Variants in LRRC3C observed in about 807,000 individuals in gnomAD.
LRRC3C encodes the protein leucine-rich repeat-containing protein 3C.
LRRC3C carries 11 observed loss-of-function variants against 14.8 expected under a neutral mutation model. That is an observed-to-expected ratio of 0.74 (90% CI 0.47 to 1.23). The LOEUF (loss-of-function observed/expected upper bound fraction) is 1.23, where lower values mean the gene tolerates loss of function less well. LRRC3C is among the 50% of genes most tolerant of loss of function. The pLI, the probability that LRRC3C is intolerant of heterozygous loss-of-function variation, is 0.00. For missense variants in LRRC3C, 354 were observed against 361.8 expected, an observed-to-expected ratio of 0.98 and a Z score of 0.18; for synonymous variants, 149 against 161.5, an observed-to-expected ratio of 0.92 and a Z score of 0.59.
intron 1 of LRRC3C, among the ~76,000 whole-genome samples, chr17:39,929,781 C>T (rs897429977): frequency 1.3e-5 from 2 of 152,198 alleles, no homozygotes; most frequent in Non-Finnish European, 2.9e-5. Context: ...TGAAAGCAAC[C>T]AAATGCCCAA....
chr17:39,944,160 A>T lies in LRRC3C; in HGVS notation c.254A>T (p.Tyr85Phe), dbSNP rs1440495975. 8 of 1,536,058 alleles carry T rather than the reference A, an allele frequency of 5.2e-6. No homozygotes were observed. Among genetic ancestry groups the T allele is most frequent in the Admixed American group, 2.0e-5 (1 of 50,982 alleles). ...SGIPNDTRKL[Y>F]LDANQLASVP... Reference sequence around the variant, plus strand: ...ATCCCCAATGACACCCGCAAGCTCTACCTGGATGCCAACCAGCTGGCATCG... The same window carrying T: ...ATCCCCAATGACACCCGCAAGCTCTTCCTGGATGCCAACCAGCTGGCATCG... The change falls in exon 4 of 4, where the codon TAC (tyrosine) becomes TTC (phenylalanine). Residue 85 changes from tyrosine (Y) to phenylalanine (F), a missense_variant. Physicochemically the swap from Tyr to Phe is conservative, Grantham distance 22. Coordinates refer to ENST00000377924, the MANE Select transcript of LRRC3C (RefSeq NM_001195545.2).
chr17:39,941,630 C>T, intron 3 of LRRC3C, 81 bp downstream of exon 3: 1 of 1,287,588 alleles, frequency 7.8e-7, no homozygotes, highest in East Asian at 2.5e-5. Flanking sequence ...GGAGGGCTTC[C>T]AGGTTCCGTA....
chr17:39,942,877 G>A (rs1978975527), intron 3 of LRRC3C, among the ~76,000 whole-genome samples: 1 of 152,220 alleles, frequency 6.6e-6, no homozygotes, highest in South Asian at 2.1e-4. Context: ...GGCCCACCCA[G>A]TTCTGCCCGC....
rs372932687 is a variant in LRRC3C at position 39,940,995 on chromosome 17, C to T, written c.-81-448C>T. Reference sequence around the variant, plus strand: ...CTGGCCTCAAGTGATCCACCCACCTCGGCCTCCCGAAGAGCTAGGATTACA... The same window carrying T: ...CTGGCCTCAAGTGATCCACCCACCTTGGCCTCCCGAAGAGCTAGGATTACA... On this transcript the variant is annotated intron_variant, in intron 2 of 3. Transcript: ENST00000377924. Among the ~76,000 whole-genome samples, 101 of 152,084 alleles carry T rather than the reference C, an allele frequency of 6.6e-4. No individual in the cohort carries two copies. In the South Asian group the frequency reaches 9.8e-3, roughly 15 times the overall value.
At chr17:39,935,721 A>AAAGG in intron 1 of LRRC3C, 81 bp from the exon 2 acceptor site, 1 of 621,304 alleles carries the variant, frequency 1.6e-6, no homozygotes, top group South Asian at 7.1e-5. Flanking sequence ...ACATGCTCAG[A>AAAGG]TATGTGTTAA....
In LRRC3C at chr17:39,930,160, C is replaced by T. The variant is rs376220278; in HGVS notation, c.-175+2346C>T. 5.8e-4 allele frequency among the ~76,000 whole-genome samples: 87 copies of T among 150,926 alleles called. No individual in the cohort carries two copies. The South Asian group carries it at 0.018, about 32-fold the overall frequency. On this transcript the variant is annotated intron_variant, in intron 1 of 3. Transcript: ENST00000377924. ...TTGGGCATGGTGGTGTGTCTATAGT[C>T]CCAGCTACTCAGGAGGCTGAGGTGG...
At chr17:39,935,491 A>G (rs1180385992) in intron 1 of LRRC3C, among the ~76,000 whole-genome samples, 1 of 152,054 alleles carries the variant, frequency 6.6e-6, no homozygotes, top group East Asian at 1.9e-4. Context: ...GGCTCTACAC[A>G]AAAATACAAA....
chr17:39,933,185 AT>A (rs1174130363), intron 1 of LRRC3C, among the ~76,000 whole-genome samples: 1 of 152,194 alleles, frequency 6.6e-6, no homozygotes, highest in African/African-American at 2.4e-5. Context: ...TTACTTTTAA[AT>A]TTTTTATTAA....
At chr17:39,940,437 G>T (rs1300283820) in intron 2 of LRRC3C, among the ~76,000 whole-genome samples, 2 of 152,116 alleles carry the variant, frequency 1.3e-5, no homozygotes, top group African/African-American at 4.8e-5. Context: ...TTTAGAGACA[G>T]AGTCGCACTC....
Position 39,941,438 on chromosome 17 carries a change from C to A in LRRC3C, c.-81-5C>A. 3 of 1,097,148 alleles carry A rather than the reference C, an allele frequency of 2.7e-6. No individual in the cohort carries two copies. Among genetic ancestry groups the A allele is most frequent in the South Asian group, 1.4e-5 (1 of 72,952 alleles). The allele number at this position is 1,097,148 out of a possible 1,614,324, so 68.0% of individuals were successfully genotyped here. A position where few individuals can be genotyped will look rare whatever the true frequency, so the allele number is the denominator to read the frequency against. Reference sequence around the variant, plus strand: ...ACACACACCCCATTTTTATTTTGCACTCAGCTCTACAATTCCGTGTCCAGT... The same window carrying A: ...ACACACACCCCATTTTTATTTTGCAATCAGCTCTACAATTCCGTGTCCAGT... On this transcript the variant is annotated splice_polypyrimidine_tract_variant and splice_region_variant and intron_variant, in intron 2 of 3. Transcript: ENST00000377924.
chr17:39,941,144 G>A (rs188579626), intron 2 of LRRC3C, among the ~76,000 whole-genome samples: 202 of 151,808 alleles, frequency 1.3e-3, no homozygotes, highest in African/African-American at 4.6e-3. Flanking sequence ...GAGGTCGGGA[G>A]TTCAAGACCA....
chr17:39,938,147 T>A lies in LRRC3C; in HGVS notation c.-82+2253T>A, dbSNP rs535727289. Among the ~76,000 whole-genome samples the A allele has an allele frequency of 1.1e-4, 17 of 150,994 alleles. No homozygotes were observed. The East Asian group carries it at 1.2e-3, about 11-fold the overall frequency. ...ACTCTGTCTCAACAAGAAAAAAAAA[T>A]CTCCATTACCAGACACATGCCACAT... On this transcript the variant is annotated intron_variant, in intron 2 of 3. Coordinates refer to ENST00000377924, the MANE Select transcript of LRRC3C (RefSeq NM_001195545.2).
intron 1 of LRRC3C, among the ~76,000 whole-genome samples, chr17:39,930,277 CAAAAAAAAAAA>C: frequency 1.7e-5 from 1 of 57,554 alleles, no homozygotes; most frequent in South Asian, 7.4e-4. Context: ...GATCCTGTCT[CAAAAAAAAAAA>C]AAAAAAAAAA....
At chr17:39,933,432 A>T (rs1203099363) in intron 1 of LRRC3C, among the ~76,000 whole-genome samples, 1 of 152,076 alleles carries the variant, frequency 6.6e-6, no homozygotes, top group African/African-American at 2.4e-5. Flanking sequence ...GGGAGAAGGG[A>T]TGTCAAGAAA....
In LRRC3C at chr17:39,944,794, C is replaced by T. The variant is rs1979046471; in HGVS notation, c.*60C>T. 37 of 1,442,510 alleles carry T rather than the reference C, an allele frequency of 2.6e-5. No homozygotes were observed. In the South Asian group the frequency reaches 4.7e-4, roughly 18 times the overall value. The allele number at this position is 1,442,510 out of a possible 1,614,324, so 89.4% of individuals were successfully genotyped here. A position where few individuals can be genotyped will look rare whatever the true frequency, so the allele number is the denominator to read the frequency against. Reference sequence around the variant, plus strand: ...TCCTGCCCCTATGCCCTCTCCTTTGCTCTGACCCCCTCTGCCTCCTGTGCA... The same window carrying T: ...TCCTGCCCCTATGCCCTCTCCTTTGTTCTGACCCCCTCTGCCTCCTGTGCA... On this transcript the variant is annotated 3_prime_UTR_variant, in exon 4 of 4. Transcript: ENST00000377924.
intron 2 of LRRC3C, chr17:39,939,257 C>T: frequency 4.6e-6 from 3 of 657,190 alleles, no homozygotes; most frequent in Non-Finnish European, 5.7e-6. Flanking sequence ...CTCCCAAAGC[C>T]ATGTGTGTTA....
rs564759252 is a variant in LRRC3C, at chr17:39,944,269, G to A, written c.363G>A (p.Ala121=). The change falls in exon 4 of 4, where the codon GCG becomes GCA. Residue 121 remains alanine (A), a synonymous_variant. Coordinates refer to ENST00000377924, the MANE Select transcript of LRRC3C (RefSeq NM_001195545.2). ...ATGCCCTTGCCCACCTCTCAGGGGC[G>A]GCTTTCCAGGGCCTGGAGGGCACAT... is the stretch of plus-strand genomic sequence containing the variant. ...SHNALAHLSG[A]AFQGLEGTLR... 138 of 1,534,816 alleles carry A rather than the reference G, an allele frequency of 9.0e-5. No homozygotes were observed. The African/African-American group carries it at 1.4e-3, about 15-fold the overall frequency.
At chr17:39,933,008 C>T (rs558053830) in intron 1 of LRRC3C, among the ~76,000 whole-genome samples, 5 of 151,796 alleles carry the variant, frequency 3.3e-5, no homozygotes, top group East Asian at 3.9e-4. Flanking sequence ...GCAGAGATGG[C>T]GCCATTTTAC....
chr17:39,931,090 C>T (rs1371562162), intron 1 of LRRC3C, among the ~76,000 whole-genome samples: 3 of 149,514 alleles, frequency 2.0e-5, no homozygotes, highest in African/African-American at 4.9e-5. Flanking sequence ...TGCAGTGAGC[C>T]GAGATCGTGC....
Sources: gnomAD v4.1 joint callset for allele counts (sites outside exome capture counted in the v4.1 genomes callset) on GRCh38, gnomAD v4.1.1 for gene constraint, MANE v1.5 for transcripts, NCBI Gene and HGNC (gene_info 2026-07-23, HGNC 2026-07-21) for gene names.